GABBR2: variants seen among roughly 807,000 people sequenced by gnomAD.
The protein encoded by GABBR2 is gamma-aminobutyric acid type B receptor subunit 2.
Under a neutral mutation model 105.6 loss-of-function variants are expected in GABBR2, and 23 were observed. The ratio of observed to expected loss-of-function variants is 0.22; its 90% confidence interval spans 0.16 to 0.31. The LOEUF (loss-of-function observed/expected upper bound fraction) is 0.31. GABBR2 is among the 10% of genes least tolerant of loss of function. The pLI is 1.00. For synonymous variants in GABBR2, 478 were observed against 499.7 expected (o/e 0.96, Z 0.58); for missense variants, 734 against 1,245.5 (o/e 0.59, Z 6.18).
At chr9:98,534,004 G>A (rs748430427) in intron 3 of GABBR2, among the ~76,000 whole-genome samples, 19 of 152,202 alleles carry the variant, frequency 1.2e-4, no homozygotes, top group Non-Finnish European at 2.1e-4. Context: ...GGGTCTCCCC[G>A]TCCTCCCCTG....
At chr9:98,324,771 T>C (rs1830891558) in intron 13 of GABBR2, among the ~76,000 whole-genome samples, 1 of 152,184 alleles carries the variant, frequency 6.6e-6, no homozygotes, top group Non-Finnish European at 1.5e-5. Context: ...CTCATTTTTC[T>C]GGGCCAGGTT....
chr9:98,431,697 T>C (rs1825811528), intron 7 of GABBR2, among the ~76,000 whole-genome samples: 1 of 151,762 alleles, frequency 6.6e-6, no homozygotes, highest in African/African-American at 2.4e-5. Context: ...TTTTTTGTTT[T>C]GTTTTGTTTT....
rs921974846 is a variant in GABBR2 at position 98,388,652 on chromosome 9, TGTGTGTGTGC to T, written c.1529+192_1529+201del. ...GTGTGTGTGTGTGTGTGTGTGTGTG[TGTGTGTGTGC>T]GTGCACGCACACACACGTACTCACA... On this transcript the variant is annotated intron_variant, in intron 10 of 18. Coordinates refer to ENST00000259455, the MANE Select transcript of GABBR2 (RefSeq NM_005458.8). This position sits in a 1 kb window ranked among gnomAD's most constrained non-coding sequence, Gnocchi z 4.4. Among the ~76,000 whole-genome samples the T allele has an allele frequency of 1.4e-5, 2 of 145,642 alleles. No individual in the cohort carries two copies. Among genetic ancestry groups the T allele is most frequent in the African/African-American group, 2.8e-5 (1 of 35,940 alleles).
Position 98,658,179 on chromosome 9 carries a change from G to A in GABBR2, c.321+50238C>T, listed in dbSNP as rs1473789800. Among the ~76,000 whole-genome samples the A allele has an allele frequency of 3.9e-5, 6 of 152,286 alleles. No individual in the cohort carries two copies. In the East Asian group the frequency reaches 1.2e-3, roughly 29 times the overall value. On this transcript the variant is annotated intron_variant, in intron 1 of 18. Transcript: ENST00000259455. ...CAAGTGATTAATAAACAAGGAAGTT[G>A]GGATCCAAACACCAAAACCCAAGGT...
intron 7 of GABBR2, among the ~76,000 whole-genome samples, chr9:98,427,122 G>T (rs930397145): frequency 6.6e-6 from 1 of 152,236 alleles, no homozygotes; most frequent in African/African-American, 2.4e-5. Context: ...TCTTCTAGCG[G>T]CAGAAACCAG....
intron 6 of GABBR2, among the ~76,000 whole-genome samples, chr9:98,465,773 A>G (rs1243209147): frequency 6.6e-6 from 1 of 152,256 alleles, no homozygotes; most frequent in East Asian, 1.9e-4. Flanking sequence ...GCAGAATGAG[A>G]AAACTGTGGC....
chr9:98,490,978 G>A (rs1588191945), intron 4 of GABBR2, among the ~76,000 whole-genome samples: 1 of 149,592 alleles, frequency 6.7e-6, no homozygotes. Flanking sequence ...TCATTATTCC[G>A]TTCCTCTGTG....
At chr9:98,399,437 T>G (rs1428836296) in intron 8 of GABBR2, among the ~76,000 whole-genome samples, 1 of 151,570 alleles carries the variant, frequency 6.6e-6, no homozygotes, top group Non-Finnish European at 1.5e-5. Context: ...CTGAGTGCCC[T>G]CCTCTGAATG....
chr9:98,463,478 A>G (rs1826462740), intron 6 of GABBR2, among the ~76,000 whole-genome samples: 2 of 152,256 alleles, frequency 1.3e-5, no homozygotes, highest in Non-Finnish European at 2.9e-5. Context: ...GAGAACCTAT[A>G]TGAGTAGTTA....
chr9:98,632,768 T>C (rs1290764466), intron 1 of GABBR2, among the ~76,000 whole-genome samples: 5 of 152,222 alleles, frequency 3.3e-5, no homozygotes, highest in Admixed American at 3.3e-4. Context: ...TGCTGTGGTC[T>C]GAATTTCTGA....
intron 1 of GABBR2, among the ~76,000 whole-genome samples, chr9:98,606,029 G>GT (rs1432307504): frequency 2.0e-5 from 3 of 152,068 alleles, no homozygotes; most frequent in East Asian, 1.9e-4. Flanking sequence ...GCGGTGTTTG[G>GT]TTTTTTGTCC....
chr9:98,336,267 G>C (rs1366320716), intron 13 of GABBR2, among the ~76,000 whole-genome samples: 1 of 152,202 alleles, frequency 6.6e-6, no homozygotes. Flanking sequence ...CTAAAGACTG[G>C]GGTGAGCACA....
intron 2 of GABBR2, among the ~76,000 whole-genome samples, chr9:98,574,764 G>A (rs1470164714): frequency 6.6e-6 from 1 of 152,176 alleles, no homozygotes; most frequent in Non-Finnish European, 1.5e-5. Context: ...CAAGCTGGGA[G>A]TTTCCAACGT....
chr9:98,290,283 T>TG lies in GABBR2; in HGVS notation c.*300_*301insC, dbSNP rs1554687293. On this transcript the variant is annotated 3_prime_UTR_variant, in exon 19 of 19. Transcript: ENST00000259455. ...CTAGTTTTTTTGTTTTTTTTTTTTT[T>TG]TTTTTTTTTTTGCAAGTTTGATATC... 203 of 182,622 alleles carry TG rather than the reference T, an allele frequency of 1.1e-3. 3 individuals carry two copies. The highest frequency in any genetic ancestry group is 4.9e-3 in the African/African-American group (193 of 39,530). The allele number at this position is 182,622 out of a possible 1,614,324, so 11.3% of individuals were successfully genotyped here.
intron 6 of GABBR2, among the ~76,000 whole-genome samples, chr9:98,456,270 A>C (rs62574625): frequency 6.6e-6 from 1 of 152,190 alleles, no homozygotes; most frequent in African/African-American, 2.4e-5. Flanking sequence ...GGCTTTGCAC[A>C]AGCTGTTTCT....
At chr9:98,376,265 G>A (rs1054392430) in intron 11 of GABBR2, among the ~76,000 whole-genome samples, 2 of 152,200 alleles carry the variant, frequency 1.3e-5, no homozygotes, top group African/African-American at 4.8e-5. Context: ...CTGCCCTTCT[G>A]GGGATCAACA....
At chr9:98,385,251 T>C (rs1485488667) in intron 11 of GABBR2, among the ~76,000 whole-genome samples, 2 of 152,210 alleles carry the variant, frequency 1.3e-5, no homozygotes, top group Non-Finnish European at 2.9e-5. Context: ...TTTCCCAGGC[T>C]GGGGCACAGT....
At chr9:98,294,769 C>A (rs937948784) in intron 17 of GABBR2, among the ~76,000 whole-genome samples, 1 of 152,132 alleles carries the variant, frequency 6.6e-6, no homozygotes, top group South Asian at 2.1e-4. Flanking sequence ...TGAGCCGCTG[C>A]GCCCAGCCAC....
At chr9:98,616,876 G>T (rs1829593976) in intron 1 of GABBR2, among the ~76,000 whole-genome samples, 1 of 152,186 alleles carries the variant, frequency 6.6e-6, no homozygotes, top group African/African-American at 2.4e-5. Flanking sequence ...ATTGATGTAT[G>T]AATATATTTT....
Sources: allele counts gnomAD v4.1 joint callset (sites outside exome capture counted in the v4.1 genomes callset), GRCh38; gene constraint gnomAD v4.1.1; non-coding constraint Gnocchi (gnomAD v3.1); transcripts MANE v1.5; gene names NCBI Gene and HGNC (gene_info 2026-07-23, HGNC 2026-07-21).